Variants in TPD52L1 observed in about 807,000 individuals in gnomAD.
TPD52L1 encodes tumor protein D53.
A neutral mutation model predicts 28.7 loss-of-function variants in TPD52L1; 18 were observed. The observed-to-expected ratio is 0.63, with a 90% CI of 0.43 to 0.93. TPD52L1 has a LOEUF of 0.93. Among genes scored for constraint, TPD52L1 ranks in the 40% least tolerant of loss-of-function variants. TPD52L1 has a pLI of 0.00. For missense variants in TPD52L1, 203 were observed against 254.8 expected, an observed-to-expected ratio of 0.80 and a Z score of 1.39; for synonymous variants, 75 against 88.8, an observed-to-expected ratio of 0.84 and a Z score of 0.88.
chr6:125,154,792 A>G (rs1790005088), intron 1 of TPD52L1, among the ~76,000 whole-genome samples: 1 of 152,188 alleles, frequency 6.6e-6, no homozygotes, highest in Admixed American at 6.5e-5. Flanking sequence ...TGGGAAGGAA[A>G]CGGACTCAGT....
At chr6:125,163,352 C>T (rs1035808022) in intron 1 of TPD52L1, among the ~76,000 whole-genome samples, 2 of 152,044 alleles carry the variant, frequency 1.3e-5, no homozygotes, top group East Asian at 1.9e-4. Flanking sequence ...GAGGCCAAGA[C>T]GGGAGGATCA....
At chr6:125,155,859 T>C (rs1175580621) in intron 1 of TPD52L1, among the ~76,000 whole-genome samples, 1 of 152,164 alleles carries the variant, frequency 6.6e-6, no homozygotes, top group Non-Finnish European at 1.5e-5. Context: ...CTCATTCCCA[T>C]TCTACAGAGA....
rs770018708 is a variant in TPD52L1, at chr6:125,262,995, G to T, written c.*33G>T. 7.5e-6 allele frequency: 12 copies of T among 1,595,864 alleles called. No homozygotes were observed. Among genetic ancestry groups the T allele is most frequent in the Non-Finnish European group, 1.0e-5 (12 of 1,171,678 alleles). On this transcript the variant is annotated 3_prime_UTR_variant, in exon 7 of 7. Transcript: ENST00000534000. ...CAGCGTGCAGCTGCATCCAGAAACCGGCCACTACCCAGCCCATCTCTGCCT... is the reference window on the plus strand; with the variant it reads ...CAGCGTGCAGCTGCATCCAGAAACCTGCCACTACCCAGCCCATCTCTGCCT...
At chr6:125,204,499 C>T (rs1367801631) in intron 1 of TPD52L1, among the ~76,000 whole-genome samples, 1 of 149,250 alleles carries the variant, frequency 6.7e-6, no homozygotes, top group African/African-American at 2.5e-5. Flanking sequence ...ATTTTTTTTT[C>T]GACGGAGTCT....
In TPD52L1 at chr6:125,188,313, C is replaced by G. The variant is rs1555373; in HGVS notation, c.20-31765C>G. Among the ~76,000 whole-genome samples the G allele has an allele frequency of 2.6e-5, 4 of 151,994 alleles. No homozygotes were observed. In the East Asian group the frequency reaches 5.8e-4, roughly 22 times the overall value. On this transcript the variant is annotated intron_variant, in intron 1 of 6. Transcript: ENST00000534000. ...ATCTGTCTTCTTCACCTAGTAAGAG[C>G]TGATTCTTCCTCCCACAGCTGTGTT...
intron 1 of TPD52L1, among the ~76,000 whole-genome samples, chr6:125,178,304 G>A (rs996133746): frequency 2.0e-5 from 3 of 152,054 alleles, no homozygotes; most frequent in African/African-American, 4.8e-5. Flanking sequence ...CTAAGGAAGG[G>A]GCAAATAGTA....
In TPD52L1 at chr6:125,257,155, C is replaced by A. The variant is rs1204320847; in HGVS notation, c.483C>A (p.Leu161=). 1.3e-5 allele frequency: 21 copies of A among 1,611,090 alleles called. No homozygotes were observed. Among genetic ancestry groups the A allele is most frequent in the East Asian group, 4.5e-5 (2 of 44,790 alleles). The change falls in exon 6 of 7, where the codon CTC becomes CTA. Residue 161 remains leucine, a synonymous_variant. Coordinates refer to ENST00000534000, the MANE Select transcript of TPD52L1 (RefSeq NM_003287.4). ...GGGTTGAGACAACTGTCACAAGCCT[C>A]AAGGTACAGATGAAGTGAATTCTGT... ...EERVETTVTS[L]KTKVGGTNPN...
At chr6:125,169,123 C>T (rs559613930) in intron 1 of TPD52L1, among the ~76,000 whole-genome samples, 15 of 152,204 alleles carry the variant, frequency 9.9e-5, no homozygotes, top group South Asian at 6.2e-4. Flanking sequence ...CATATCTTGG[C>T]GGGGTTGCCC....
chr6:125,242,263 T>C (rs922653873), intron 3 of TPD52L1, among the ~76,000 whole-genome samples: 1 of 152,122 alleles, frequency 6.6e-6, no homozygotes, highest in African/African-American at 2.4e-5. Flanking sequence ...GAGTGTATAC[T>C]GCAATTGTTT....
chr6:125,232,016 T>C lies in TPD52L1; in HGVS notation c.284+2750T>C, dbSNP rs1164854894. ...CAAGTCTGGAGGAGAGGCACAATAATTCGTTTTGGCTCCGTAAAGTCTGAA... is the reference window on the plus strand; with the variant it reads ...CAAGTCTGGAGGAGAGGCACAATAACTCGTTTTGGCTCCGTAAAGTCTGAA... On this transcript the variant is annotated intron_variant, in intron 3 of 6. Coordinates refer to ENST00000534000, the MANE Select transcript of TPD52L1 (RefSeq NM_003287.4). Among the ~76,000 whole-genome samples the C allele has an allele frequency of 2.6e-5, 4 of 152,312 alleles. No individual in the cohort carries two copies. In the East Asian group the frequency reaches 7.7e-4, roughly 29 times the overall value.
rs1045274022 is a variant in TPD52L1, at chr6:125,156,492, A to G, written c.19+2522A>G. Among the ~76,000 whole-genome samples the G allele has an allele frequency of 1.3e-4, 19 of 150,858 alleles. No homozygotes were observed. The East Asian group carries it at 3.3e-3, about 26-fold the overall frequency. ...AAAAAAAAAAAAAAGAGAGAGATAC[A>G]AAAAAGGCCAGCCACACCTGTAATT... On this transcript the variant is annotated intron_variant, in intron 1 of 6. Transcript: ENST00000534000.
chr6:125,176,275 T>C (rs1219901798), intron 1 of TPD52L1, among the ~76,000 whole-genome samples: 1 of 152,248 alleles, frequency 6.6e-6, no homozygotes, highest in Non-Finnish European at 1.5e-5. Context: ...TCCGTATTCT[T>C]GTTGCTTAAA....
At chr6:125,203,969 A>G (rs1404122754) in intron 1 of TPD52L1, among the ~76,000 whole-genome samples, 2 of 152,188 alleles carry the variant, frequency 1.3e-5, no homozygotes, top group African/African-American at 4.8e-5. Flanking sequence ...CATATAACAC[A>G]ACTATGTCCT....
chr6:125,236,009 C>A (rs564582596), intron 3 of TPD52L1, among the ~76,000 whole-genome samples: 2 of 152,264 alleles, frequency 1.3e-5, no homozygotes, highest in East Asian at 3.9e-4. Flanking sequence ...AGAAAGCTGA[C>A]CCAACTCACC....
At position 125,172,152 on chromosome 6, in the gene TPD52L1, CTTTCTTTT is replaced by C. The variant is rs1252155754; in HGVS notation, c.19+18183_19+18190del. On this transcript the variant is annotated intron_variant, in intron 1 of 6. Coordinates refer to ENST00000534000, the MANE Select transcript of TPD52L1 (RefSeq NM_003287.4). ...TCTTTCTTTCTTTCTTTCTTTCTTTCTTTCTTTTCTTTCTTTCTTTCTTTCTTTCTTTC... is the reference window on the plus strand; with the variant it reads ...TCTTTCTTTCTTTCTTTCTTTCTTTCCTTTCTTTCTTTCTTTCTTTCTTTC... Among the ~76,000 whole-genome samples, 15 of 51,344 alleles carry C rather than the reference CTTTCTTTT, an allele frequency of 2.9e-4. No homozygotes were observed. In the East Asian group the frequency reaches 4.0e-3, roughly 14 times the overall value. 33.7% of individuals were successfully genotyped at this position (51,344 alleles called of 152,430 possible).
chr6:125,185,504 G>A (rs1044036514), intron 1 of TPD52L1, among the ~76,000 whole-genome samples: 7 of 151,944 alleles, frequency 4.6e-5, no homozygotes, highest in Non-Finnish European at 1.0e-4. Flanking sequence ...TTAACAACTT[G>A]GAAATTAAGA....
At chr6:125,229,407 G>A in intron 3 of TPD52L1, 141 bp downstream of exon 3, 1 of 790,428 alleles carries the variant, frequency 1.3e-6, no homozygotes, top group Non-Finnish European at 1.9e-6. Context: ...GCAAAGCAAA[G>A]AAATGTGAAT....
intron 5 of TPD52L1, among the ~76,000 whole-genome samples, chr6:125,254,924 G>T (rs1260728): frequency 1.9e-4 from 29 of 152,230 alleles, no homozygotes; most frequent in African/African-American, 7.0e-4. Flanking sequence ...TTCTACACTG[G>T]GGTTATGTGG....
chr6:125,206,293 A>G (rs1430103704), intron 1 of TPD52L1, among the ~76,000 whole-genome samples: 3 of 152,136 alleles, frequency 2.0e-5, no homozygotes, highest in Non-Finnish European at 2.9e-5. Flanking sequence ...AGGTAATATT[A>G]TGTGTCTTAG....
Sources: gnomAD v4.1 joint callset for allele counts (sites outside exome capture counted in the v4.1 genomes callset) on GRCh38, gnomAD v4.1.1 for gene constraint, MANE v1.5 for transcripts, NCBI Gene and HGNC (gene_info 2026-07-23, HGNC 2026-07-21) for gene names.